PRKG1: variants seen among roughly 807,000 people sequenced by gnomAD.
PRKG1 encodes the protein protein kinase cGMP-dependent 1, also known as cGMP-dependent protein kinase 1.
Under a neutral mutation model 88.1 loss-of-function variants are expected in PRKG1, and 35 were observed. The observed-to-expected ratio is 0.40, with a 90% CI of 0.30 to 0.53. The LOEUF (loss-of-function observed/expected upper bound fraction) is 0.53, where lower values mean the gene tolerates loss of function less well. Ranked by LOEUF, PRKG1 falls within the 20% of genes least tolerant of loss-of-function variation. The probability of loss-of-function intolerance (pLI) is 0.59; values close to 1 mark genes in which losing one functional copy is unlikely to be tolerated. For missense variants in PRKG1, 540 were observed against 839.8 expected, an observed-to-expected ratio of 0.64 and a Z score of 4.41; for synonymous variants, 303 against 292.5, an observed-to-expected ratio of 1.04 and a Z score of -0.37.
At chr10:51,751,345 A>G (rs781011016) in intron 3 of PRKG1, among the ~76,000 whole-genome samples, 9 of 152,024 alleles carry the variant, frequency 5.9e-5, no homozygotes, top group Non-Finnish European at 1.2e-4. Context: ...TCAAGCGATT[A>G]TCATGCCTCA....
At chr10:52,081,689 A>T in intron 7 of PRKG1, 1 of 456,638 alleles carries the variant, frequency 2.2e-6, no homozygotes, top group Non-Finnish European at 4.4e-6. Flanking sequence ...AAGCTAGAAG[A>T]TGACGAGAGC....
chr10:52,246,876 CAAAAAAAAA>C (rs756775020), intron 9 of PRKG1, among the ~76,000 whole-genome samples: 1 of 57,222 alleles, frequency 1.7e-5, no homozygotes. Context: ...AACACAGTCT[CAAAAAAAAA>C]AAAAAAAAAA....
intron 2 of PRKG1, among the ~76,000 whole-genome samples, chr10:51,283,319 T>A (rs978410585): frequency 2.0e-5 from 3 of 152,092 alleles, no homozygotes; most frequent in Non-Finnish European, 2.9e-5. Flanking sequence ...TACTTGGAAA[T>A]GTTTTTCCCA....
At chr10:51,172,648 G>GTATC (rs151084687) in intron 2 of PRKG1, among the ~76,000 whole-genome samples, 9 of 41,016 alleles carry the variant, frequency 2.2e-4, no homozygotes, top group South Asian at 7.9e-4. Flanking sequence ...ATGTATGTAT[G>GTATC]TATCTATCTA....
chr10:51,778,789 A>G (rs1838508771), intron 3 of PRKG1, among the ~76,000 whole-genome samples: 1 of 152,146 alleles, frequency 6.6e-6, no homozygotes, highest in East Asian at 1.9e-4. Context: ...GACAAGCAGG[A>G]TATCTGTTCC....
chr10:51,468,178 T>C (rs1023677609), intron 3 of PRKG1, among the ~76,000 whole-genome samples: 1 of 151,932 alleles, frequency 6.6e-6, no homozygotes, highest in African/African-American at 2.4e-5. Context: ...TAAGAAATTT[T>C]TACATGTCTG....
intron 5 of PRKG1, among the ~76,000 whole-genome samples, chr10:52,003,260 AT>A (rs1844646296): frequency 6.6e-6 from 1 of 152,220 alleles, no homozygotes; most frequent in Admixed American, 6.5e-5. Context: ...TTCCTCAATT[AT>A]AACACATTTA....
At chr10:51,210,779 T>C (rs1285823259) in intron 2 of PRKG1, among the ~76,000 whole-genome samples, 1 of 152,096 alleles carries the variant, frequency 6.6e-6, no homozygotes, top group Admixed American at 6.5e-5. Context: ...AAGTTGAATC[T>C]CTGAATAGAC....
intron 2 of PRKG1, among the ~76,000 whole-genome samples, chr10:51,286,922 G>A (rs1457410223): frequency 6.6e-6 from 1 of 152,150 alleles, no homozygotes; most frequent in Non-Finnish European, 1.5e-5. Flanking sequence ...TGTCGCCCAG[G>A]CTGGAGTTCA....
chr10:52,103,004 G>A (rs914442964), intron 7 of PRKG1, among the ~76,000 whole-genome samples: 8 of 152,146 alleles, frequency 5.3e-5, no homozygotes, highest in Admixed American at 1.3e-4. Flanking sequence ...TACTGCTTGA[G>A]CTCCACCTCC....
chr10:52,075,446 C>T (rs1265136543), intron 7 of PRKG1, among the ~76,000 whole-genome samples: 2 of 151,902 alleles, frequency 1.3e-5, no homozygotes, highest in East Asian at 1.9e-4. Context: ...TTTATATGAA[C>T]AATTTAGAAA....
At chr10:51,711,968 A>T (rs1009479848) in intron 3 of PRKG1, among the ~76,000 whole-genome samples, 10 of 152,186 alleles carry the variant, frequency 6.6e-5, no homozygotes, top group Admixed American at 6.5e-4. Flanking sequence ...CCCATTCTGC[A>T]TTCATGGCTG....
intron 9 of PRKG1, among the ~76,000 whole-genome samples, chr10:52,248,148 G>A (rs1479010990): frequency 6.6e-6 from 1 of 152,160 alleles, no homozygotes; most frequent in African/African-American, 2.4e-5. Context: ...GCCCTGGGCG[G>A]GCCAGGTGTT....
intron 2 of PRKG1, among the ~76,000 whole-genome samples, chr10:51,155,513 G>A (rs1295116103): frequency 1.3e-5 from 2 of 152,110 alleles, no homozygotes; most frequent in East Asian, 3.9e-4. Context: ...TTATAGTAGA[G>A]TCAGGGTTTA....
At chr10:52,251,186 C>T (rs1841160602) in intron 9 of PRKG1, among the ~76,000 whole-genome samples, 1 of 151,938 alleles carries the variant, frequency 6.6e-6, no homozygotes, top group Non-Finnish European at 1.5e-5. Context: ...ATCTGAACGG[C>T]AAAAACAAAA....
chr10:51,034,668 T>TTA (rs1554831108), intron 1 of PRKG1, among the ~76,000 whole-genome samples: 1,436 of 68,050 alleles, frequency 0.021, 43 homozygotes, highest in Middle Eastern at 0.028. Context: ...AATATGTTAT[T>TTA]TATATATATA....
chr10:52,232,111 T>C (rs979960773), intron 9 of PRKG1, among the ~76,000 whole-genome samples: 2 of 152,112 alleles, frequency 1.3e-5, no homozygotes, highest in African/African-American at 2.4e-5. Context: ...GAGACCAGCC[T>C]GGCCAATATG....
At chr10:51,963,071 A>G (rs1208320259) in intron 5 of PRKG1, among the ~76,000 whole-genome samples, 1 of 152,052 alleles carries the variant, frequency 6.6e-6, no homozygotes, top group Non-Finnish European at 1.5e-5. Flanking sequence ...ATGTTTTGGC[A>G]CAAACTTTTT....
chr10:51,129,314 A>G (rs535920778), intron 1 of PRKG1, among the ~76,000 whole-genome samples: 1 of 152,044 alleles, frequency 6.6e-6, no homozygotes, highest in South Asian at 2.1e-4. Context: ...CATCTCTACT[A>G]AAACTATGTA....
Sources: allele counts gnomAD v4.1 joint callset (sites outside exome capture counted in the v4.1 genomes callset), GRCh38; gene constraint gnomAD v4.1.1; transcripts MANE v1.5; gene names NCBI Gene and HGNC (gene_info 2026-07-23, HGNC 2026-07-21).